EDARADD: variants seen among roughly 807,000 people sequenced by gnomAD.
EDARADD encodes the protein EDAR associated via death domain, also known as ectodysplasin-A receptor-associated adapter protein.
Under a neutral mutation model 25.6 loss-of-function variants are expected in EDARADD, and 20 were observed. The ratio of observed to expected loss-of-function variants is 0.78; its 90% CI spans 0.55 to 1.14. The LOEUF is 1.14. Among genes scored for constraint, EDARADD ranks in the 50% most tolerant of loss-of-function variants. The pLI is 0.00. For missense variants in EDARADD, 225 were observed against 270.1 expected (o/e 0.83, Z 1.17); for synonymous variants, 86 against 94.4 (o/e 0.91, Z 0.52).
intron 3 of EDARADD, among the ~76,000 whole-genome samples, chr1:236,355,086 C>T (rs1666958525): frequency 1.3e-5 from 2 of 152,198 alleles, no homozygotes; most frequent in Non-Finnish European, 2.9e-5. Context: ...CAAAGCTCTC[C>T]TTTCTACTGT....
At chr1:236,377,802 G>A (rs1461428310) in intron 3 of EDARADD, among the ~76,000 whole-genome samples, 1 of 151,854 alleles carries the variant, frequency 6.6e-6, no homozygotes, top group Non-Finnish European at 1.5e-5. Flanking sequence ...AGGTTGCAGT[G>A]AGCCAAGATC....
chr1:236,390,955 T>TATTATTATTATG (rs1311391083), upstream of EDARADD, among the ~76,000 whole-genome samples: 14 of 151,018 alleles, frequency 9.3e-5, no homozygotes, highest in South Asian at 2.1e-4. Context: ...TTATTATTAT[T>TATTATTATTATG]ATTATTTTTT....
rs11589551 is a variant in EDARADD, at chr1:236,420,913, T to C, written c.161-6479T>C. Among the ~76,000 whole-genome samples, 227 of 147,346 alleles carry C rather than the reference T, an allele frequency of 1.5e-3. 26 individuals carry two copies. Among genetic ancestry groups the C allele is most frequent in the Non-Finnish European group, 2.3e-3 (156 of 66,588 alleles). On this transcript the variant is annotated intron_variant, in intron 3 of 5. Coordinates refer to ENST00000334232, the MANE Select transcript of EDARADD (RefSeq NM_145861.4). ...CACACCAAGTTAATTTTTGTATTTC[T>C]AGTAGAGATGTGGTTTCACCATGTT...
At chr1:236,394,223 A>C, upstream of EDARADD, 1 of 548,068 alleles carries the variant, frequency 1.8e-6, no homozygotes. Context: ...CCACAAACCA[A>C]ACCTCCAAAT....
chr1:236,405,545 A>AG lies in EDARADD; in HGVS notation c.62-3669dup, dbSNP rs1339581144. 3.3e-5 allele frequency among the ~76,000 whole-genome samples: 5 copies of AG among 152,194 alleles called. No homozygotes were observed. The East Asian group carries it at 9.6e-4, about 29-fold the overall frequency. On this transcript the variant is annotated intron_variant, in intron 1 of 5. Transcript: ENST00000334232. ...GTGACTTCTCCAAGGTCACACCTCTAGGCTTGTCCAAGGCCACAGCTCTAG... is the reference window on the plus strand; with the variant it reads ...GTGACTTCTCCAAGGTCACACCTCTAGGGCTTGTCCAAGGCCACAGCTCTAG...
At chr1:236,390,322 G>A (rs970192842), upstream of EDARADD, among the ~76,000 whole-genome samples, 2 of 152,154 alleles carry the variant, frequency 1.3e-5, no homozygotes, top group African/African-American at 2.4e-5. Context: ...TTGGGAGGCC[G>A]AGGCGGGCGG....
intron 5 of EDARADD, among the ~76,000 whole-genome samples, chr1:236,471,693 G>T (rs1659364976): frequency 6.6e-6 from 1 of 152,112 alleles, no homozygotes; most frequent in Admixed American, 6.6e-5. Context: ...TCAAGACCTG[G>T]TTATCCCGGG....
chr1:236,425,423 G>T (rs1657890619), intron 3 of EDARADD, among the ~76,000 whole-genome samples: 1 of 152,128 alleles, frequency 6.6e-6, no homozygotes, highest in South Asian at 2.1e-4. Flanking sequence ...CAGGGCACCA[G>T]GGAAACTCCC....
intron 4 of EDARADD, among the ~76,000 whole-genome samples, chr1:236,462,016 A>T (rs960246863): frequency 9.2e-5 from 14 of 152,186 alleles, no homozygotes; most frequent in Non-Finnish European, 1.9e-4. Flanking sequence ...ACCATAGTCT[A>T]CAAAATAGAC....
At chr1:236,353,189 A>C (rs1340285850) in intron 3 of EDARADD, among the ~76,000 whole-genome samples, 4 of 152,108 alleles carry the variant, frequency 2.6e-5, no homozygotes, top group Admixed American at 1.3e-4. Context: ...CTCATCCCCC[A>C]CAGACCTGGG....
chr1:236,400,330 G>A (rs1308644943), intron 1 of EDARADD, among the ~76,000 whole-genome samples: 1 of 151,908 alleles, frequency 6.6e-6, no homozygotes, highest in East Asian at 1.9e-4. Flanking sequence ...CTTAATGCTC[G>A]GCTGCCCTCC....
At chr1:236,384,279 G>T (rs141463826) in intron 3 of EDARADD, among the ~76,000 whole-genome samples, 1 of 152,218 alleles carries the variant, frequency 6.6e-6, no homozygotes, top group East Asian at 1.9e-4. Context: ...AATGTATGAG[G>T]GTCTATGTCT....
intron 4 of EDARADD, among the ~76,000 whole-genome samples, chr1:236,460,095 A>G (rs979227124): frequency 6.6e-6 from 1 of 152,126 alleles, no homozygotes; most frequent in Non-Finnish European, 1.5e-5. Context: ...TTGTCTCTAT[A>G]TCCCAGAGCC....
At chr1:236,467,928 T>C (rs1452366458) in intron 4 of EDARADD, among the ~76,000 whole-genome samples, 1 of 152,154 alleles carries the variant, frequency 6.6e-6, no homozygotes, top group African/African-American at 2.4e-5. Context: ...CAGCTGATAA[T>C]TTTTAAAAAT....
chr1:236,389,799 C>T (rs892441893), upstream of EDARADD, among the ~76,000 whole-genome samples: 2 of 152,016 alleles, frequency 1.3e-5, no homozygotes, highest in African/African-American at 2.4e-5. Context: ...CCCAGGAGTT[C>T]GAGACCTGCC....
intron 4 of EDARADD, among the ~76,000 whole-genome samples, chr1:236,440,248 C>T (rs754509144): frequency 2.0e-5 from 3 of 152,186 alleles, no homozygotes; most frequent in Non-Finnish European, 4.4e-5. Context: ...TTTGCCAATA[C>T]CACACTGTTT....
intron 4 of EDARADD, among the ~76,000 whole-genome samples, chr1:236,437,743 C>CTTTTT (rs5781886): frequency 2.3e-5 from 2 of 88,106 alleles, no homozygotes; most frequent in African/African-American, 3.5e-5. Context: ...TTGGTTCCTT[C>CTTTTT]TTTTTTTTTT....
At chr1:236,436,141 TA>T (rs541668054) in intron 4 of EDARADD, among the ~76,000 whole-genome samples, 74 of 145,076 alleles carry the variant, frequency 5.1e-4, no homozygotes, top group African/African-American at 5.5e-4. Context: ...CCATCTCTAT[TA>T]AAAAAAAAAA....
chr1:236,395,410 T>C lies in EDARADD; in HGVS notation c.61+905T>C. On this transcript the variant is annotated intron_variant, in intron 1 of 5. Coordinates refer to ENST00000334232, the MANE Select transcript of EDARADD (RefSeq NM_145861.4). The surrounding 1 kb of genome is among the most constrained non-coding windows in gnomAD (Gnocchi z 6.9). ...ACCGAGGGACGCGCAGCGAAGGGGC[T>C]TTGCTAATTGCCAAAGCAGGAAGTG... is the stretch of plus-strand genomic sequence containing the variant. 7.0e-7 allele frequency: 1 copy of C among 1,437,564 alleles called. No individual in the cohort carries two copies. Among genetic ancestry groups the C allele is most frequent in the Non-Finnish European group, 9.1e-7 (1 of 1,095,362 alleles). 89.1% of individuals were successfully genotyped at this position (1,437,564 alleles called of 1,614,324 possible). A position where few individuals can be genotyped will look rare whatever the true frequency, so the allele number is the denominator to read the frequency against.
Sources: gnomAD v4.1 joint callset for allele counts (sites outside exome capture counted in the v4.1 genomes callset) on GRCh38, gnomAD v4.1.1 for gene constraint, Gnocchi (gnomAD v3.1) non-coding constraint, MANE v1.5 for transcripts, NCBI Gene and HGNC (gene_info 2026-07-23, HGNC 2026-07-21) for gene names.